PLCB1: variants seen among roughly 807,000 people sequenced by gnomAD.
PLCB1 encodes the protein phospholipase C beta 1, also known as 1-phosphatidylinositol 4,5-bisphosphate phosphodiesterase beta-1.
In PLCB1, 46 loss-of-function variants were observed where a neutral mutation model predicts 161.8. The ratio of observed to expected loss-of-function variants is 0.28; its 90% CI spans 0.22 to 0.36. The LOEUF (loss-of-function observed/expected upper bound fraction) is 0.36, where lower values mean the gene tolerates loss of function less well. Among genes scored for constraint, PLCB1 ranks in the 10% least tolerant of loss-of-function variants. The pLI, the probability that PLCB1 is intolerant of heterozygous loss-of-function variation, is 1.00. For synonymous variants in PLCB1, 517 were observed against 503.7 expected (o/e 1.03, Z -0.35); for missense variants, 1,016 against 1,472.5 (o/e 0.69, Z 5.07).
At chr20:8,360,680 C>T (rs1033718979) in intron 2 of PLCB1, among the ~76,000 whole-genome samples, 8 of 152,206 alleles carry the variant, frequency 5.3e-5, no homozygotes, top group Non-Finnish European at 7.4e-5. Flanking sequence ...AAATTAGCAT[C>T]GGAAAAGATT....
chr20:8,548,878 C>A (rs900402035), intron 3 of PLCB1, among the ~76,000 whole-genome samples: 1 of 152,172 alleles, frequency 6.6e-6, no homozygotes, highest in African/African-American at 2.4e-5. Context: ...CAAGAAGTAA[C>A]CACTGCGAAA....
At chr20:8,640,366 C>A (rs1206827117) in intron 4 of PLCB1, among the ~76,000 whole-genome samples, 1 of 152,068 alleles carries the variant, frequency 6.6e-6, no homozygotes, top group African/African-American at 2.4e-5. Context: ...GTGCTTTTTT[C>A]TTTTAAAATC....
In PLCB1 at chr20:8,275,286, T is replaced by TGTGA. The variant is rs773003102; in HGVS notation, c.178-96095_178-96094insTGAG. On this transcript the variant is annotated intron_variant, in intron 2 of 31. Transcript: ENST00000338037. ...GTGTGTGTGTGTGTGTGTGTGTGTG[T>TGTGA]GAAGCGGCACATGGTCAGGCTTCAT... Among the ~76,000 whole-genome samples the TGTGA allele has an allele frequency of 2.3e-3, 355 of 151,724 alleles. 3 individuals are homozygous for TGTGA. The highest frequency in any genetic ancestry group is 8.1e-3 in the African/African-American group (333 of 41,354).
At chr20:8,366,034 T>G (rs533899091) in intron 2 of PLCB1, among the ~76,000 whole-genome samples, 17 of 152,342 alleles carry the variant, frequency 1.1e-4, no homozygotes, top group Non-Finnish European at 1.6e-4. Flanking sequence ...ATCTCTCTGC[T>G]AAATAGTAAA....
At position 8,395,815 on chromosome 20, in the gene PLCB1, AT is replaced by A. The variant is rs201418878; in HGVS notation, c.246+24369del. Among the ~76,000 whole-genome samples the A allele has an allele frequency of 5.3e-5, 8 of 151,918 alleles. No homozygotes were observed. The East Asian group carries it at 1.2e-3, about 22-fold the overall frequency. On this transcript the variant is annotated intron_variant, in intron 3 of 31. Transcript: ENST00000338037. Reference sequence around the variant, plus strand: ...GTGTGACTAGAAATCTGTTTTTCCCATTTTAAAAAAAAAACAAATTGTTATT... The same window carrying A: ...GTGTGACTAGAAATCTGTTTTTCCCATTTAAAAAAAAAACAAATTGTTATT...
chr20:8,149,874 CTA>C (rs2051492075), intron 1 of PLCB1, among the ~76,000 whole-genome samples: 1 of 151,970 alleles, frequency 6.6e-6, no homozygotes. Context: ...TGCTCAAATA[CTA>C]TGTTTTACTC....
At chr20:8,859,350 A>T (rs2146311301) in intron 31 of PLCB1, among the ~76,000 whole-genome samples, 1 of 152,276 alleles carries the variant, frequency 6.6e-6, no homozygotes, top group East Asian at 1.9e-4. Context: ...ATTACCTTTA[A>T]ACTCATGTTT....
chr20:8,493,663 C>A (rs112655638), intron 3 of PLCB1, among the ~76,000 whole-genome samples: 32 of 135,374 alleles, frequency 2.4e-4, no homozygotes, highest in Admixed American at 3.8e-4. Flanking sequence ...CAGGTAGTAG[C>A]CCTTACCTTG....
At chr20:8,414,082 G>C (rs938194168) in intron 3 of PLCB1, among the ~76,000 whole-genome samples, 1 of 151,772 alleles carries the variant, frequency 6.6e-6, no homozygotes, top group South Asian at 2.1e-4. Context: ...ATGACTATAT[G>C]AGTCAATAAA....
chr20:8,212,519 A>G (rs546950679), intron 2 of PLCB1, among the ~76,000 whole-genome samples: 1 of 152,084 alleles, frequency 6.6e-6, no homozygotes, highest in African/African-American at 2.4e-5. Context: ...TCACTTTGTT[A>G]CCATTTATAA....
At chr20:8,651,758 GACTGGAGA>G (rs1989328973) in intron 7 of PLCB1, 1 of 417,652 alleles carries the variant, frequency 2.4e-6, no homozygotes, top group African/African-American at 2.0e-5. Flanking sequence ...TAAAAAGAAA[GACTGGAGA>G]ACTACTATTG....
At chr20:8,297,619 T>C (rs1489074530) in intron 2 of PLCB1, among the ~76,000 whole-genome samples, 4 of 152,098 alleles carry the variant, frequency 2.6e-5, no homozygotes, top group African/African-American at 4.8e-5. Context: ...ATAGTATTGA[T>C]TGGCAAAAGA....
At chr20:8,706,950 C>T (rs1235493369) in intron 11 of PLCB1, among the ~76,000 whole-genome samples, 2 of 152,160 alleles carry the variant, frequency 1.3e-5, no homozygotes, top group African/African-American at 4.8e-5. Context: ...CCCAAGGTCA[C>T]ACAGCTTGCA....
chr20:8,681,086 G>GTATATATATATATA lies in PLCB1; in HGVS notation c.863-3825_863-3812dup, dbSNP rs202198416. 3.4e-3 allele frequency among the ~76,000 whole-genome samples: 252 copies of GTATATATATATATA among 73,742 alleles called. 2 individuals carry two copies. The highest frequency in any genetic ancestry group is 4.4e-3 in the African/African-American group (80 of 18,184). The allele number at this position is 73,742 out of a possible 152,430, so 48.4% of individuals were successfully genotyped here. ...TATATATGTGTGTATATGTGTGTGTGTATATATATATATATATATATATAT... is the reference window on the plus strand; with the variant it reads ...TATATATGTGTGTATATGTGTGTGTGTATATATATATATATATATATATATATATATATATATAT... On this transcript the variant is annotated intron_variant, in intron 9 of 31. Transcript: ENST00000338037.
chr20:8,730,956 A>T (rs1385195686), intron 18 of PLCB1, among the ~76,000 whole-genome samples: 1 of 151,824 alleles, frequency 6.6e-6, no homozygotes, highest in Non-Finnish European at 1.5e-5. Flanking sequence ...TTTGCAGTAC[A>T]TTCCGTTGGA....
At chr20:8,237,429 G>A (rs1361409755) in intron 2 of PLCB1, among the ~76,000 whole-genome samples, 2 of 152,096 alleles carry the variant, frequency 1.3e-5, no homozygotes, top group Middle Eastern at 3.4e-3. Context: ...GGACATGCAC[G>A]AAAGTAACAG....
At chr20:8,150,207 G>C (rs949325091) in intron 1 of PLCB1, 87 bp from the exon 2 acceptor site, 6 of 553,408 alleles carry the variant, frequency 1.1e-5, no homozygotes, top group Non-Finnish European at 1.9e-5. Context: ...TGGAGAATCT[G>C]TACAATTATT....
At chr20:8,292,212 G>T (rs1983415742) in intron 2 of PLCB1, among the ~76,000 whole-genome samples, 1 of 152,092 alleles carries the variant, frequency 6.6e-6, no homozygotes, top group Non-Finnish European at 1.5e-5. Flanking sequence ...TAACTCTAGG[G>T]TCGAATGGGG....
intron 3 of PLCB1, among the ~76,000 whole-genome samples, chr20:8,466,889 C>T (rs1016069475): frequency 6.6e-6 from 1 of 152,116 alleles, no homozygotes; most frequent in Non-Finnish European, 1.5e-5. Context: ...TAGGTAGAGA[C>T]TCGTGTATGA....
Sources: gnomAD v4.1 joint callset for allele counts (sites outside exome capture counted in the v4.1 genomes callset) on GRCh38, gnomAD v4.1.1 for gene constraint, MANE v1.5 for transcripts, NCBI Gene and HGNC (gene_info 2026-07-23, HGNC 2026-07-21) for gene names.